The following METTL4 variants were observed in gnomAD, a reference collection of about 807,000 sequenced individuals.
The protein encoded by METTL4 is N(6)-adenine-specific methyltransferase METTL4.
Under a neutral mutation model 54.0 loss-of-function variants are expected in METTL4, and 40 were observed. The ratio of observed to expected loss-of-function variants is 0.74; its 90% CI spans 0.58 to 0.96. METTL4 has a LOEUF of 0.96. Ranked by LOEUF, METTL4 falls within the 50% of genes least tolerant of loss-of-function variation. The pLI is 0.00. For synonymous variants in METTL4, 169 were observed against 183.8 expected (o/e 0.92, Z 0.65); for missense variants, 525 against 549.0 (o/e 0.96, Z 0.44).
chr18:2,563,720 C>T (rs912210119), intron 3 of METTL4, 77 bp downstream of exon 3: 2 of 1,011,690 alleles, frequency 2.0e-6, no homozygotes, highest in African/African-American at 3.3e-5. Context: ...AAAAAAAATC[C>T]TTATTTATGT....
chr18:2,566,046 C>CAAATAAAT (rs538896989), intron 2 of METTL4, among the ~76,000 whole-genome samples: 9 of 82,892 alleles, frequency 1.1e-4, no homozygotes, highest in African/African-American at 5.1e-4. Context: ...GACTCTGTCT[C>CAAATAAAT]AAATAAATAA....
chr18:2,544,668 G>GT lies in METTL4; in HGVS notation c.1165dup (p.Thr389AsnfsTer32). On this transcript the variant is annotated frameshift_variant, in exon 7 of 9. Transcript: ENST00000574538. LOFTEE classifies it high-confidence loss of function. ...CCTTTCCTACCTCAATGGTAGAGCA[G>GT]TTTTTTCTTGAACCCTCCCCAGTAT... 1 of 1,609,544 alleles carries GT rather than the reference G, an allele frequency of 6.2e-7. No individual in the cohort carries two copies. Among genetic ancestry groups the GT allele is most frequent in the Non-Finnish European group, 8.5e-7 (1 of 1,177,430 alleles).
chr18:2,548,866 C>A (rs1387925364), intron 5 of METTL4, among the ~76,000 whole-genome samples: 1 of 152,198 alleles, frequency 6.6e-6, no homozygotes, highest in Non-Finnish European at 1.5e-5. Flanking sequence ...AACCTCCCAT[C>A]TTAAATCAGT....
At chr18:2,542,485 G>C (rs2072007415) in intron 8 of METTL4, among the ~76,000 whole-genome samples, 1 of 151,286 alleles carries the variant, frequency 6.6e-6, no homozygotes, top group African/African-American at 2.4e-5. Flanking sequence ...TTGACAAATA[G>C]TTTACTATCA....
chr18:2,569,105 C>T (rs536211325), intron 1 of METTL4: 5 of 153,814 alleles, frequency 3.3e-5, no homozygotes, highest in Admixed American at 6.5e-5. Flanking sequence ...GCCTGAAAGA[C>T]ACTGTTACAG....
intron 5 of METTL4, among the ~76,000 whole-genome samples, chr18:2,548,193 T>A (rs1411422086): frequency 1.3e-5 from 2 of 152,148 alleles, no homozygotes; most frequent in Non-Finnish European, 2.9e-5. Flanking sequence ...AAATCTATAA[T>A]CTTGTACCTC....
chr18:2,537,910 G>A lies in METTL4; in HGVS notation c.*1090C>T. ...AGTGTTTGCCAGGGGCCAAGGATAG[G>A]AGCAGGGGATTGACTGCAAAAGGAA... On this transcript the variant is annotated 3_prime_UTR_variant, in exon 9 of 9. Transcript: ENST00000574538. The A allele has an allele frequency of 2.5e-6, 1 of 398,518 alleles. No homozygotes were observed. Among genetic ancestry groups the A allele is most frequent in the Non-Finnish European group, 4.4e-6 (1 of 226,028 alleles). 24.7% of individuals were successfully genotyped at this position (398,518 alleles called of 1,614,324 possible).
At chr18:2,552,260 A>C (rs2072173555) in intron 5 of METTL4, among the ~76,000 whole-genome samples, 1 of 152,180 alleles carries the variant, frequency 6.6e-6, no homozygotes, top group Non-Finnish European at 1.5e-5. Context: ...TTGAAAGGAA[A>C]TATCACCTTA....
At chr18:2,563,067 TG>T (rs1321667093) in intron 3 of METTL4, among the ~76,000 whole-genome samples, 3 of 152,206 alleles carry the variant, frequency 2.0e-5, no homozygotes, top group African/African-American at 7.2e-5. Context: ...TTAAAATATT[TG>T]TGTTCATTCT....
rs752418002 is a variant in METTL4, at chr18:2,567,207, C to T, written c.10G>A (p.Val4Ile). The T allele has an allele frequency of 1.1e-5, 18 of 1,589,144 alleles. No individual in the cohort carries two copies. In the South Asian group the frequency reaches 1.7e-4, roughly 15 times the overall value. The stretch of plus-strand genomic sequence containing the variant: ...AACCACCCAGCTGACAACTGGTGTA[C>T]CACAGACATTCCCTTCCTTTAAAAA... MSV[V>I]HQLSAGWLLD... The change falls in exon 2 of 9, where the codon GTA (valine) becomes ATA (isoleucine). Residue 4 changes from valine to isoleucine, a missense_variant. Transcript: ENST00000574538.
intron 8 of METTL4, among the ~76,000 whole-genome samples, chr18:2,543,272 A>G (rs1264117068): frequency 6.6e-6 from 1 of 152,168 alleles, no homozygotes; most frequent in Non-Finnish European, 1.5e-5. Context: ...AGGTAACATA[A>G]GCTCCTGTAG....
intron 5 of METTL4, among the ~76,000 whole-genome samples, chr18:2,551,230 T>C (rs960062784): frequency 6.6e-6 from 1 of 151,846 alleles, no homozygotes; most frequent in African/African-American, 2.4e-5. Context: ...AATTACATTA[T>C]GTAAAACAAT....
intron 6 of METTL4, 113 bp from the exon 7 acceptor site, chr18:2,544,872 A>G (rs2072048860): frequency 1.7e-6 from 1 of 584,406 alleles, no homozygotes; most frequent in Non-Finnish European, 3.0e-6. Context: ...TAAAAATACT[A>G]TGTGAGCCAC....
intron 5 of METTL4, among the ~76,000 whole-genome samples, chr18:2,550,656 A>G (rs963399380): frequency 6.6e-6 from 1 of 152,242 alleles, no homozygotes; most frequent in Non-Finnish European, 1.5e-5. Context: ...TTGCTAAACT[A>G]ACAAAACTTA....
intron 4 of METTL4, 122 bp from the exon 5 acceptor site, chr18:2,552,886 G>A (rs11080957): frequency 0.062 from 39,633 of 642,694 alleles, 2,417 homozygotes; most frequent in African/African-American, 0.23. Flanking sequence ...ATGCACCAAA[G>A]GGATCTGTAT....
intron 8 of METTL4, chr18:2,540,096 A>G: frequency 1.0e-6 from 1 of 979,174 alleles, no homozygotes; most frequent in African/African-American, 1.7e-5. Context: ...CAATGTATTA[A>G]TAACTACTGA....
intron 3 of METTL4, among the ~76,000 whole-genome samples, chr18:2,562,377 G>T (rs2072335054): frequency 1.3e-5 from 2 of 151,888 alleles, no homozygotes; most frequent in Non-Finnish European, 2.9e-5. Flanking sequence ...TGTCTCAAAA[G>T]AAAAAATGAA....
rs780019450 is a variant in METTL4 at position 2,547,384 on chromosome 18, C to T, written c.1045G>A (p.Glu349Lys). The T allele has an allele frequency of 6.3e-7, 1 of 1,598,302 alleles. No individual in the cohort carries two copies. Among genetic ancestry groups the T allele is most frequent in the African/African-American group, 1.3e-5 (1 of 74,160 alleles). The change falls in exon 6 of 9, where the codon GAG (glutamate) becomes AAG (lysine). Residue 349 changes from glutamate to lysine, a missense_variant. By Grantham distance (56) the Glu-to-Lys change is moderately conservative. Transcript: ENST00000574538. Reference sequence around the variant, plus strand: ...ACCCAGTGCCACTCAGCAACTACCTCCACAGACCAAGAGGGATAAAGTTCT... The same window carrying T: ...ACCCAGTGCCACTCAGCAACTACCTTCACAGACCAAGAGGGATAAAGTTCT... The part of the protein sequence containing the change: ...KEELYPSWSV[E>K]VVAEWHWVKI...
At chr18:2,550,974 C>T (rs1223474614) in intron 5 of METTL4, among the ~76,000 whole-genome samples, 1 of 151,602 alleles carries the variant, frequency 6.6e-6, no homozygotes, top group Non-Finnish European at 1.5e-5. Flanking sequence ...ACCATCCTGG[C>T]TAACATGGTG....
Sources: allele counts gnomAD v4.1 joint callset (sites outside exome capture counted in the v4.1 genomes callset), GRCh38; gene constraint gnomAD v4.1.1; transcripts MANE v1.5; gene names NCBI Gene and HGNC (gene_info 2026-07-23, HGNC 2026-07-21).